The following AGMO variants were observed in gnomAD, a reference collection of about 807,000 sequenced individuals.
AGMO encodes alkylglycerol monooxygenase, also known as glyceryl-ether monooxygenase.
Under a neutral mutation model 60.2 loss-of-function variants are expected in AGMO, and 75 were observed. The observed-to-expected ratio is 1.25, with a 90% CI of 1.03 to 1.51. The LOEUF (loss-of-function observed/expected upper bound fraction) is 1.51, where lower values mean the gene tolerates loss of function less well. Ranked by LOEUF, AGMO falls within the 40% of genes most tolerant of loss-of-function variation. The probability of loss-of-function intolerance (pLI) is 0.00; values close to 1 mark genes in which losing one functional copy is unlikely to be tolerated. For synonymous variants in AGMO, 261 were observed against 177.1 expected (o/e 1.47, Z -3.76); for missense variants, 763 against 525.5 (o/e 1.45, Z -4.42).
At chr7:15,243,040 T>C (rs1204243784) in intron 12 of AGMO, among the ~76,000 whole-genome samples, 2 of 152,044 alleles carry the variant, frequency 1.3e-5, no homozygotes, top group Non-Finnish European at 2.9e-5. Flanking sequence ...TCACTTTAAA[T>C]GGCTATTCTA....
At chr7:15,443,366 G>T (rs1048660325) in intron 3 of AGMO, among the ~76,000 whole-genome samples, 3 of 152,184 alleles carry the variant, frequency 2.0e-5, no homozygotes, top group African/African-American at 7.2e-5. Context: ...GCTTTGAGCA[G>T]CAGGGCACCA....
intron 10 of AGMO, among the ~76,000 whole-genome samples, chr7:15,371,219 ATGTTT>A (rs1220302083): frequency 1.3e-5 from 2 of 152,080 alleles, no homozygotes; most frequent in Admixed American, 6.6e-5. Context: ...TTTAATAACA[ATGTTT>A]TATTTTATTT....
At chr7:15,470,802 T>C in intron 3 of AGMO, among the ~76,000 whole-genome samples, 1 of 152,122 alleles carries the variant, frequency 6.6e-6, no homozygotes, top group Non-Finnish European at 1.5e-5. Flanking sequence ...TTTGTTAGAA[T>C]ACCAATAAAC....
Position 15,385,652 on chromosome 7 carries a change from T to A in AGMO, c.958-90A>T, listed in dbSNP as rs1282299775. ...CTAAGAGATATTTGAAAAAAGTATCTGCTATTTTTTTTAAAAAAAGACAAA... is the reference window on the plus strand; with the variant it reads ...CTAAGAGATATTTGAAAAAAGTATCAGCTATTTTTTTTAAAAAAAGACAAA... On this transcript the variant is annotated intron_variant, in intron 9 of 12. Transcript: ENST00000342526. 4.0e-6 allele frequency: 3 copies of A among 745,178 alleles called. No homozygotes were observed. The Admixed American group carries it at 7.4e-5, about 18-fold the overall frequency. The allele number at this position is 745,178 out of a possible 1,614,324, so 46.2% of individuals were successfully genotyped here. A position where few individuals can be genotyped will look rare whatever the true frequency, so the allele number is the denominator to read the frequency against.
chr7:15,170,694 T>C, the AGMO span, among the ~76,000 whole-genome samples: 1 of 152,306 alleles, frequency 6.6e-6, no homozygotes, highest in South Asian at 2.1e-4. Flanking sequence ...CCAATACTGA[T>C]ACATTTTTAT....
At chr7:15,483,527 G>T (rs899408032) in intron 3 of AGMO, among the ~76,000 whole-genome samples, 1 of 152,108 alleles carries the variant, frequency 6.6e-6, no homozygotes, top group Non-Finnish European at 1.5e-5. Context: ...GATAGATCGT[G>T]CTACTGCACT....
chr7:15,233,859 C>T (rs556125137), intron 12 of AGMO, among the ~76,000 whole-genome samples: 40 of 152,056 alleles, frequency 2.6e-4, no homozygotes, highest in Non-Finnish European at 4.3e-4. Flanking sequence ...CCAGCCTGAC[C>T]AACGTGGTGA....
intron 5 of AGMO, among the ~76,000 whole-genome samples, chr7:15,395,419 T>A (rs1482248650): frequency 6.6e-6 from 1 of 152,034 alleles, no homozygotes; most frequent in Admixed American, 6.5e-5. Flanking sequence ...AAACCTAACA[T>A]AAAAGACATT....
intron 4 of AGMO, among the ~76,000 whole-genome samples, chr7:15,421,196 T>G (rs1780912767): frequency 6.6e-6 from 1 of 152,144 alleles, no homozygotes; most frequent in South Asian, 2.1e-4. Flanking sequence ...TTGACAGACC[T>G]CAGGGAATCC....
intron 5 of AGMO, among the ~76,000 whole-genome samples, chr7:15,416,408 G>T (rs927344672): frequency 3.3e-5 from 5 of 152,016 alleles, no homozygotes; most frequent in Admixed American, 2.0e-4. Flanking sequence ...ACGTTTTATG[G>T]CCTATTTTTT....
At chr7:15,391,698 G>C (rs1443847718) in intron 6 of AGMO, among the ~76,000 whole-genome samples, 1 of 152,128 alleles carries the variant, frequency 6.6e-6, no homozygotes, top group Non-Finnish European at 1.5e-5. Context: ...TAAAAGGAGA[G>C]AGAGATTGGC....
At chr7:15,419,186 G>A (rs573350563) in intron 4 of AGMO, among the ~76,000 whole-genome samples, 24 of 151,378 alleles carry the variant, frequency 1.6e-4, no homozygotes, top group Admixed American at 7.2e-4. Flanking sequence ...TAATTTTTTC[G>A]AAGTTATTAG....
intron 12 of AGMO, among the ~76,000 whole-genome samples, chr7:15,211,029 A>C (rs1049473629): frequency 1.3e-5 from 2 of 151,948 alleles, no homozygotes; most frequent in Non-Finnish European, 2.9e-5. Flanking sequence ...CAATTACCAT[A>C]ACTTGGGACA....
intron 12 of AGMO, among the ~76,000 whole-genome samples, chr7:15,235,999 T>A (rs1782407252): frequency 6.6e-6 from 1 of 152,140 alleles, no homozygotes; most frequent in Non-Finnish European, 1.5e-5. Context: ...TATTAGTGGA[T>A]GGGACCTCAA....
intron 12 of AGMO, among the ~76,000 whole-genome samples, chr7:15,301,469 A>G (rs898855995): frequency 6.6e-6 from 1 of 151,992 alleles, no homozygotes; most frequent in Non-Finnish European, 1.5e-5. Context: ...AATGCTGAAT[A>G]TGTTCTCAAA....
the AGMO span, among the ~76,000 whole-genome samples, chr7:15,185,819 T>C: frequency 0.22 from 33,365 of 152,148 alleles, 3,891 homozygotes; most frequent in South Asian, 0.32. Flanking sequence ...TACCACTGTA[T>C]TTGAGACTTA....
chr7:15,479,237 T>A (rs1782684213), intron 3 of AGMO, among the ~76,000 whole-genome samples: 2 of 151,678 alleles, frequency 1.3e-5, no homozygotes, highest in African/African-American at 4.8e-5. Context: ...GATAACAGAG[T>A]TGAAGGTGAC....
intron 10 of AGMO, among the ~76,000 whole-genome samples, chr7:15,368,533 A>AGG (rs1166534249): frequency 1.3e-5 from 2 of 152,174 alleles, no homozygotes; most frequent in East Asian, 3.9e-4. Context: ...GACATTTTAA[A>AGG]GCCTCAGCTA....
At chr7:15,329,233 A>G (rs1781431322) in intron 12 of AGMO, among the ~76,000 whole-genome samples, 1 of 152,294 alleles carries the variant, frequency 6.6e-6, no homozygotes, top group South Asian at 2.1e-4. Flanking sequence ...ATATACTTTA[A>G]TTGTTTCGGT....
Sources: gnomAD v4.1 joint callset for allele counts (sites outside exome capture counted in the v4.1 genomes callset) on GRCh38, gnomAD v4.1.1 for gene constraint, MANE v1.5 for transcripts, NCBI Gene and HGNC (gene_info 2026-07-23, HGNC 2026-07-21) for gene names.